NOX4: variants seen among roughly 807,000 people sequenced by gnomAD.
NOX4 encodes the protein kidney oxidase-1.
NOX4 carries 69 observed loss-of-function variants against 87.6 expected under a neutral mutation model. That is an observed-to-expected ratio of 0.79 (90% CI 0.65 to 0.96). NOX4 has a LOEUF of 0.96. Among genes scored for constraint, NOX4 ranks in the 40% least tolerant of loss-of-function variants. The pLI, the probability that NOX4 is intolerant of heterozygous loss-of-function variation, is 0.00. For synonymous variants in NOX4, 275 were observed against 238.2 expected (o/e 1.15, Z -1.42); for missense variants, 680 against 681.5 (o/e 1.00, Z 0.02).
At chr11:89,379,937 C>T (rs1940148966) in intron 11 of NOX4, among the ~76,000 whole-genome samples, 1 of 152,216 alleles carries the variant, frequency 6.6e-6, no homozygotes, top group East Asian at 1.9e-4. Context: ...ACACAGCAGC[C>T]AGAGTGATCC....
intron 13 of NOX4, among the ~76,000 whole-genome samples, chr11:89,343,891 C>T (rs1240415531): frequency 1.3e-5 from 2 of 151,902 alleles, no homozygotes; most frequent in African/African-American, 2.4e-5. Flanking sequence ...AGATATCTTC[C>T]TCCCTGACCC....
At chr11:89,349,406 TGAA>T (rs1590987305) in intron 13 of NOX4, among the ~76,000 whole-genome samples, 1 of 152,242 alleles carries the variant, frequency 6.6e-6, no homozygotes, top group East Asian at 1.9e-4. Context: ...GATGATATCT[TGAA>T]GAAGAACTCA....
intron 6 of NOX4, among the ~76,000 whole-genome samples, chr11:89,433,598 A>T (rs1446816628): frequency 2.0e-5 from 3 of 152,246 alleles, no homozygotes; most frequent in South Asian, 2.1e-4. Context: ...CAAAAAATAA[A>T]GCCTAAAGTG....
rs2135353505 is a variant in NOX4, at chr11:89,326,725, TCTTTA to T, written c.*26_*30del. On this transcript the variant is annotated 3_prime_UTR_variant, in exon 18 of 18. Transcript: ENST00000263317. ...AGTCTTAGAAATTGCACTCATTCCTTCTTTAGAGTCCTGCTTCATGGCAAAAGTTT... is the reference window on the plus strand; with the variant it reads ...AGTCTTAGAAATTGCACTCATTCCTTGAGTCCTGCTTCATGGCAAAAGTTT... 2 of 1,604,444 alleles carry T rather than the reference TCTTTA, an allele frequency of 1.2e-6. No individual in the cohort carries two copies. The highest frequency in any genetic ancestry group is 1.7e-6 in the Non-Finnish European group (2 of 1,173,892).
In NOX4 at chr11:89,386,020, T is replaced by C. The variant is rs1489905241; in HGVS notation, c.1075-12528A>G. ...CCTTCATACCCCTTACTGTCCTCAA[T>C]CTTCAGGAAAGGTAAAATGGACTAA... On this transcript the variant is annotated intron_variant, in intron 11 of 17. Coordinates refer to ENST00000263317, the MANE Select transcript of NOX4 (RefSeq NM_016931.5). 3.3e-5 allele frequency among the ~76,000 whole-genome samples: 5 copies of C among 152,216 alleles called. No homozygotes were observed. The South Asian group carries it at 8.3e-4, about 25-fold the overall frequency.
chr11:89,588,009 T>C, the NOX4 span, among the ~76,000 whole-genome samples: 1 of 152,214 alleles, frequency 6.6e-6, no homozygotes, highest in South Asian at 2.1e-4. Flanking sequence ...TTATTTCTTA[T>C]AATCTATTCT....
chr11:89,515,965 C>G, the NOX4 span, among the ~76,000 whole-genome samples: 1 of 152,050 alleles, frequency 6.6e-6, no homozygotes, highest in Non-Finnish European at 1.5e-5. Context: ...TTAAGTTCAT[C>G]CAATAAATTT....
intron 12 of NOX4, among the ~76,000 whole-genome samples, chr11:89,362,400 C>T (rs986284938): frequency 1.6e-4 from 24 of 152,160 alleles, no homozygotes; most frequent in East Asian, 1.5e-3. Flanking sequence ...CATGTGCAGG[C>T]GGTCACTGTC....
chr11:89,428,239 C>T (rs527421673), intron 7 of NOX4, among the ~76,000 whole-genome samples: 146 of 152,246 alleles, frequency 9.6e-4, no homozygotes, highest in African/African-American at 2.6e-3. Context: ...TGGAAAGGAA[C>T]AACCGGTACC....
intron 6 of NOX4, among the ~76,000 whole-genome samples, chr11:89,438,925 TATA>T (rs1206158371): frequency 3.1e-4 from 23 of 74,554 alleles, no homozygotes; most frequent in Non-Finnish European, 4.6e-4. Flanking sequence ...ATAAAATATA[TATA>T]ATAATATAAT....
intron 8 of NOX4, among the ~76,000 whole-genome samples, chr11:89,409,636 A>C (rs1316953939): frequency 6.6e-6 from 1 of 152,154 alleles, no homozygotes; most frequent in Non-Finnish European, 1.5e-5. Context: ...CATAATTACT[A>C]TAGAGAAATA....
chr11:89,577,146 C>T, the NOX4 span: 2 of 152,062 alleles, frequency 1.3e-5, no homozygotes, highest in Admixed American at 1.3e-4. Flanking sequence ...AGAGCTCAAG[C>T]AGCAGTGGGA....
chr11:89,504,264 GA>G, the NOX4 span, among the ~76,000 whole-genome samples: 2 of 151,974 alleles, frequency 1.3e-5, no homozygotes, highest in South Asian at 4.1e-4. Context: ...CAGGGTGACA[GA>G]AAAAGTGGCA....
At chr11:89,539,171 C>T in the NOX4 span, among the ~76,000 whole-genome samples, 4 of 152,280 alleles carry the variant, frequency 2.6e-5, no homozygotes, top group Middle Eastern at 3.4e-3. Flanking sequence ...CGGTGGCTCA[C>T]GCCTGTAATC....
At position 89,380,073 on chromosome 11, in the gene NOX4, A is replaced by T. The variant is rs565966580; in HGVS notation, c.1075-6581T>A. Among the ~76,000 whole-genome samples, 22 of 152,316 alleles carry T rather than the reference A, an allele frequency of 1.4e-4. 1 individual carries two copies. The East Asian group carries it at 3.7e-3, about 25-fold the overall frequency. ...TATGAGCCTGAATTACAGAGTTAAA[A>T]TCTGGGCTAGGAATATAAACTTGGG... On this transcript the variant is annotated intron_variant, in intron 11 of 17. Coordinates refer to ENST00000263317, the MANE Select transcript of NOX4 (RefSeq NM_016931.5).
chr11:89,558,840 T>C, the NOX4 span, among the ~76,000 whole-genome samples: 1 of 152,110 alleles, frequency 6.6e-6, no homozygotes, highest in Non-Finnish European at 1.5e-5. Flanking sequence ...TACACATCTC[T>C]CTTTACTTCA....
chr11:89,474,451 A>G (rs957207427), intron 2 of NOX4, among the ~76,000 whole-genome samples: 1 of 128,214 alleles, frequency 7.8e-6, no homozygotes, highest in African/African-American at 3.4e-5. Flanking sequence ...CGTATGATCT[A>G]TAATACCAAA....
At chr11:89,474,526 G>A (rs935304053) in intron 2 of NOX4, among the ~76,000 whole-genome samples, 7 of 148,606 alleles carry the variant, frequency 4.7e-5, no homozygotes, top group Non-Finnish European at 7.4e-5. Context: ...AAATTATGGT[G>A]TACATTATGG....
the NOX4 span, among the ~76,000 whole-genome samples, chr11:89,553,424 C>T: frequency 1.3e-5 from 2 of 152,160 alleles, no homozygotes; most frequent in Non-Finnish European, 2.9e-5. Flanking sequence ...GAGGCCTTCC[C>T]AGCCATGTGG....
Sources: allele counts gnomAD v4.1 joint callset (sites outside exome capture counted in the v4.1 genomes callset), GRCh38; gene constraint gnomAD v4.1.1; transcripts MANE v1.5; gene names NCBI Gene and HGNC (gene_info 2026-07-23, HGNC 2026-07-21).